The following GRM8 variants were observed in gnomAD, a reference collection of about 807,000 sequenced individuals.
GRM8 encodes the protein glutamate metabotropic receptor 8.
Under a neutral mutation model 87.2 loss-of-function variants are expected in GRM8, and 47 were observed. The observed-to-expected ratio is 0.54, with a 90% CI of 0.43 to 0.69. The LOEUF (loss-of-function observed/expected upper bound fraction) is 0.69, where lower values mean the gene tolerates loss of function less well. Among genes scored for constraint, GRM8 ranks in the 30% least tolerant of loss-of-function variants. GRM8 has a pLI of 0.00. For missense variants in GRM8, 1,019 were observed against 1,139.2 expected (o/e 0.89, Z 1.52); for synonymous variants, 396 against 404.5 (o/e 0.98, Z 0.25).
intron 3 of GRM8, among the ~76,000 whole-genome samples, chr7:127,065,566 C>G (rs952156224): frequency 1.1e-4 from 16 of 152,062 alleles, no homozygotes; most frequent in African/African-American, 3.9e-4. Context: ...AAAAGACAAG[C>G]ACAACTCCAA....
chr7:127,098,049 C>T (rs1824852151), intron 3 of GRM8, among the ~76,000 whole-genome samples: 1 of 152,150 alleles, frequency 6.6e-6, no homozygotes, highest in Non-Finnish European at 1.5e-5. Context: ...ATATGCATGT[C>T]CTTTGGATCC....
intron 7 of GRM8, among the ~76,000 whole-genome samples, chr7:126,727,249 T>C (rs1440117646): frequency 6.6e-6 from 1 of 152,032 alleles, no homozygotes; most frequent in Non-Finnish European, 1.5e-5. Flanking sequence ...GGGTTGGGTA[T>C]GACACATTTG....
chr7:126,924,910 G>A (rs1478028533), intron 3 of GRM8, among the ~76,000 whole-genome samples: 1 of 152,060 alleles, frequency 6.6e-6, no homozygotes, highest in Admixed American at 6.6e-5. Flanking sequence ...CCCAGTGAAC[G>A]TCCTGGAAAC....
chr7:127,159,871 AC>A (rs112404434), intron 2 of GRM8, among the ~76,000 whole-genome samples: 3,112 of 152,280 alleles, frequency 0.02, 104 homozygotes, highest in African/African-American at 0.072. Context: ...TGAAAAACTG[AC>A]ATAAATTGCA....
chr7:126,915,395 A>C (rs1442139514), intron 3 of GRM8, among the ~76,000 whole-genome samples: 1 of 152,236 alleles, frequency 6.6e-6, no homozygotes, highest in African/African-American at 2.4e-5. Context: ...GCCCCCACAC[A>C]GAAACAGTGA....
intron 2 of GRM8, among the ~76,000 whole-genome samples, chr7:127,185,026 T>C (rs1445241315): frequency 3.3e-5 from 5 of 152,052 alleles, no homozygotes; most frequent in African/African-American, 1.2e-4. Context: ...TCAATATTGT[T>C]AAGATGTCAG....
intron 2 of GRM8, among the ~76,000 whole-genome samples, chr7:127,220,877 T>C (rs1796884607): frequency 6.6e-6 from 1 of 152,222 alleles, no homozygotes; most frequent in South Asian, 2.1e-4. Flanking sequence ...ATCTGCTTTC[T>C]AGGCTCAGTC....
At chr7:127,154,677 G>A (rs1419425) in intron 2 of GRM8, among the ~76,000 whole-genome samples, 101,720 of 151,936 alleles carry the variant, frequency 0.67, 35,052 homozygotes, top group African/African-American at 0.76. Context: ...CAGACAAATG[G>A]CATTTCTTAG....
intron 2 of GRM8, among the ~76,000 whole-genome samples, chr7:127,187,687 G>A (rs1035831373): frequency 2.0e-5 from 3 of 152,032 alleles, no homozygotes; most frequent in African/African-American, 4.8e-5. Context: ...CCTCCATCAC[G>A]GCCTCTGCTG....
intron 7 of GRM8, among the ~76,000 whole-genome samples, chr7:126,614,460 A>C (rs911882234): frequency 6.6e-6 from 1 of 152,206 alleles, no homozygotes; most frequent in African/African-American, 2.4e-5. Context: ...AATTCTAAAA[A>C]TCAGAGCACC....
chr7:126,517,024 TA>T, intron 9 of GRM8, among the ~76,000 whole-genome samples: 1 of 152,194 alleles, frequency 6.6e-6, no homozygotes, highest in Non-Finnish European at 1.5e-5. Flanking sequence ...ATTACGGTCA[TA>T]AAAATAATTT....
intron 3 of GRM8, among the ~76,000 whole-genome samples, chr7:127,057,781 T>C (rs1202547316): frequency 6.6e-6 from 1 of 151,920 alleles, no homozygotes; most frequent in Non-Finnish European, 1.5e-5. Context: ...TGAAATTATG[T>C]TTAAATTTAG....
chr7:126,535,131 G>A (rs1815487676), intron 8 of GRM8, among the ~76,000 whole-genome samples: 1 of 152,182 alleles, frequency 6.6e-6, no homozygotes, highest in Non-Finnish European at 1.5e-5. Context: ...ACTATACTGT[G>A]TGGTAGTCAG....
rs139091912 is a variant in GRM8 at position 127,002,411 on chromosome 7, G to T, written c.728-97728C>A. On this transcript the variant is annotated intron_variant, in intron 3 of 10. Transcript: ENST00000339582. The stretch of plus-strand genomic sequence containing the variant: ...AAAAATTTCTTCCTCCTACCCAGCT[G>T]GGAAATATCCACAGTCTTTTCTACT... 2.6e-5 allele frequency among the ~76,000 whole-genome samples: 4 copies of T among 151,638 alleles called. No individual in the cohort carries two copies. The East Asian group carries it at 7.7e-4, about 29-fold the overall frequency.
intron 6 of GRM8, among the ~76,000 whole-genome samples, chr7:126,848,015 T>G (rs1410998962): frequency 6.6e-6 from 1 of 152,068 alleles, no homozygotes; most frequent in Non-Finnish European, 1.5e-5. Flanking sequence ...AGTTAGGAGG[T>G]TATTGCAATT....
Position 126,665,481 on chromosome 7 carries a change from T to C in GRM8, c.1358-55983A>G, listed in dbSNP as rs1352578207. On this transcript the variant is annotated intron_variant, in intron 7 of 10. Transcript: ENST00000339582. The stretch of plus-strand genomic sequence containing the variant: ...TGGATGCAGCTAGAGGCCATTATCC[T>C]AAGAAAATTAATGCAGGAACAGAAA... Among the ~76,000 whole-genome samples, 9 of 152,264 alleles carry C rather than the reference T, an allele frequency of 5.9e-5. No homozygotes were observed. The East Asian group carries it at 1.7e-3, about 29-fold the overall frequency.
chr7:126,764,212 T>C (rs184928756), intron 7 of GRM8, among the ~76,000 whole-genome samples: 169 of 152,118 alleles, frequency 1.1e-3, no homozygotes, highest in Admixed American at 5.8e-3. Flanking sequence ...TGATAGAATA[T>C]TAATAATAGT....
rs1297257910 is a variant in GRM8, at chr7:126,517,036, T to C, written c.2430+15916A>G. Among the ~76,000 whole-genome samples, 6 of 152,116 alleles carry C rather than the reference T, an allele frequency of 3.9e-5. No homozygotes were observed. In the East Asian group the frequency reaches 1.2e-3, roughly 29 times the overall value. On this transcript the variant is annotated intron_variant, in intron 9 of 10. Coordinates refer to ENST00000339582, the MANE Select transcript of GRM8 (RefSeq NM_000845.3). ...CATATTACGGTCATAAAAATAATTT[T>C]ACTTTAAATACAAAACAATTTAGTA...
At chr7:126,886,103 C>G (rs769627370) in intron 6 of GRM8, among the ~76,000 whole-genome samples, 20 of 152,052 alleles carry the variant, frequency 1.3e-4, no homozygotes, top group Non-Finnish European at 2.5e-4. Flanking sequence ...ACAAGGGCCT[C>G]TATTGTAAAA....
Sources: allele counts gnomAD v4.1 joint callset (sites outside exome capture counted in the v4.1 genomes callset), GRCh38; gene constraint gnomAD v4.1.1; transcripts MANE v1.5; gene names NCBI Gene and HGNC (gene_info 2026-07-23, HGNC 2026-07-21).